FLT1: variants seen among roughly 807,000 people sequenced by gnomAD.
FLT1 encodes vascular endothelial growth factor receptor 1.
Under a neutral mutation model 156.3 loss-of-function variants are expected in FLT1, and 49 were observed. The observed-to-expected ratio is 0.31, with a 90% CI of 0.25 to 0.40. The LOEUF is 0.40. Ranked by LOEUF, FLT1 falls within the 10% of genes least tolerant of loss-of-function variation. The pLI is 1.00. For missense variants in FLT1, 1,322 were observed against 1,637.2 expected (o/e 0.81, Z 3.32); for synonymous variants, 594 against 583.8 (o/e 1.02, Z -0.25).
intron 14 of FLT1, among the ~76,000 whole-genome samples, chr13:28,369,577 G>T (rs1032194488): frequency 6.6e-6 from 1 of 152,172 alleles, no homozygotes; most frequent in Non-Finnish European, 1.5e-5. Context: ...ACACTAAAAA[G>T]ATGAGTGATT....
chr13:28,446,422 T>TA (rs1878621790), intron 3 of FLT1, among the ~76,000 whole-genome samples: 1 of 152,230 alleles, frequency 6.6e-6, no homozygotes, highest in South Asian at 2.1e-4. Context: ...AGGAATCCAC[T>TA]AAAAAACTAC....
intron 14 of FLT1, among the ~76,000 whole-genome samples, chr13:28,359,485 T>C (rs1235933022): frequency 6.6e-6 from 1 of 152,198 alleles, no homozygotes; most frequent in Admixed American, 6.5e-5. Flanking sequence ...GGAAGAGATT[T>C]CTTGGATATG....
At chr13:28,377,063 T>TA (rs1349998943) in intron 14 of FLT1, among the ~76,000 whole-genome samples, 1 of 152,230 alleles carries the variant, frequency 6.6e-6, no homozygotes, top group Admixed American at 6.5e-5. Flanking sequence ...TGCTTCTTGG[T>TA]ATTAGTCCCT....
At chr13:28,494,369 G>A (rs1881636775) in intron 1 of FLT1, among the ~76,000 whole-genome samples, 1 of 152,186 alleles carries the variant, frequency 6.6e-6, no homozygotes, top group South Asian at 2.1e-4. Context: ...CCCGGCTCCG[G>A]GGGACCCTGC....
intron 10 of FLT1, among the ~76,000 whole-genome samples, chr13:28,420,046 G>A (rs1289543127): frequency 6.6e-6 from 1 of 152,204 alleles, no homozygotes; most frequent in Non-Finnish European, 1.5e-5. Flanking sequence ...GGGAAAAGGA[G>A]GAAAATCTCA....
At chr13:28,491,372 T>C (rs945020397) in intron 1 of FLT1, among the ~76,000 whole-genome samples, 3 of 152,174 alleles carry the variant, frequency 2.0e-5, no homozygotes, top group Admixed American at 6.5e-5. Context: ...GTTAATCAAA[T>C]AAGTGTTAGC....
chr13:28,485,894 G>T (rs1045660663), intron 1 of FLT1, among the ~76,000 whole-genome samples: 1 of 152,202 alleles, frequency 6.6e-6, no homozygotes, highest in Non-Finnish European at 1.5e-5. Flanking sequence ...GAAATGCCAA[G>T]GACTATAGAT....
intron 20 of FLT1, 122 bp from the exon 21 acceptor site, chr13:28,323,068 G>T: frequency 1.9e-6 from 2 of 1,058,110 alleles, no homozygotes; most frequent in Non-Finnish European, 2.9e-6. Flanking sequence ...AAAATGGATC[G>T]TGAACTAGCA....
At chr13:28,318,894 G>C (rs1388284085) in intron 24 of FLT1, among the ~76,000 whole-genome samples, 1 of 152,190 alleles carries the variant, frequency 6.6e-6, no homozygotes, top group Non-Finnish European at 1.5e-5. Context: ...AATACAACCA[G>C]TGTTGTTTAT....
At position 28,431,253 on chromosome 13, in the gene FLT1, T is replaced by C. The variant is rs1395507963; in HGVS notation, c.871A>G (p.Ile291Val). 9.9e-6 allele frequency: 16 copies of C among 1,613,904 alleles called. No homozygotes were observed. The highest frequency in any genetic ancestry group is 1.6e-4 in the Middle Eastern group (1 of 6,062). Residue 291 changes from isoleucine (I) to valine (V), a missense_variant, in exon 7 of 30, where the codon ATA (isoleucine) becomes GTA (valine). Transcript: ENST00000282397. ...RIDQSNSHAN[I>V]FYSVLTIDKM... ...TCAATAGTAAGAACACTGTAGAATA[T>C]GTTGGCATGGGAATTGCTTTGGTCA... is the stretch of plus-strand genomic sequence containing the variant.
chr13:28,375,809 C>T (rs759573361), intron 14 of FLT1, among the ~76,000 whole-genome samples: 33 of 152,304 alleles, frequency 2.2e-4, no homozygotes, highest in African/African-American at 6.5e-4. Context: ...CACTGCTCTG[C>T]GCACACCCTG....
chr13:28,394,672 C>A (rs192064842), intron 12 of FLT1, among the ~76,000 whole-genome samples: 2 of 152,120 alleles, frequency 1.3e-5, no homozygotes, highest in South Asian at 4.1e-4. Flanking sequence ...GCCCTCAGAC[C>A]CAGGCAAGAA....
At chr13:28,450,072 G>A (rs1878847095) in intron 3 of FLT1, among the ~76,000 whole-genome samples, 1 of 152,154 alleles carries the variant, frequency 6.6e-6, no homozygotes, top group South Asian at 2.1e-4. Flanking sequence ...TGTTTATGGA[G>A]AAGATATAAG....
chr13:28,318,181 C>T (rs1871282793), intron 24 of FLT1, among the ~76,000 whole-genome samples: 1 of 152,164 alleles, frequency 6.6e-6, no homozygotes, highest in South Asian at 2.1e-4. Flanking sequence ...AGGAATCATT[C>T]ACACTTGAGT....
chr13:28,461,552 T>C (rs913122081), intron 3 of FLT1, among the ~76,000 whole-genome samples: 6 of 152,190 alleles, frequency 3.9e-5, no homozygotes, highest in African/African-American at 1.4e-4. Flanking sequence ...AATGAGTTCA[T>C]TGAATCCTCC....
At position 28,329,532 on chromosome 13, in the gene FLT1, G is replaced by A. The variant is rs1446860372; in HGVS notation, c.2707+83C>T. ...CCTGGAGGCGAGGAAGCACAGTGCG[G>A]GGGAGAAGGAGCTGTAAGGCAGAGA... On this transcript the variant is annotated intron_variant, in intron 19 of 29. Transcript: ENST00000282397. 9 of 978,844 alleles carry A rather than the reference G, an allele frequency of 9.2e-6. 1 individual carries two copies. Among genetic ancestry groups the A allele is most frequent in the East Asian group, 7.3e-5 (3 of 41,298 alleles). 60.6% of individuals were successfully genotyped at this position (978,844 alleles called of 1,614,324 possible).
At chr13:28,399,075 A>T in intron 11 of FLT1, 1 of 1,551,306 alleles carries the variant, frequency 6.4e-7, no homozygotes, top group Non-Finnish European at 8.7e-7. Flanking sequence ...GTTGGAAGAG[A>T]AGCTTGTAGG....
At chr13:28,412,465 A>G (rs1876356404) in intron 10 of FLT1, among the ~76,000 whole-genome samples, 1 of 144,722 alleles carries the variant, frequency 6.9e-6, no homozygotes, top group South Asian at 2.2e-4. Context: ...TGTGTTCCTC[A>G]GGCTGGAGTG....
At chr13:28,493,825 C>T (rs1046670878) in intron 1 of FLT1, among the ~76,000 whole-genome samples, 2 of 152,256 alleles carry the variant, frequency 1.3e-5, no homozygotes, top group African/African-American at 2.4e-5. Flanking sequence ...TTCCACCGCC[C>T]GTCTCCCAAA....
Sources: gnomAD v4.1 joint callset for allele counts (sites outside exome capture counted in the v4.1 genomes callset) on GRCh38, gnomAD v4.1.1 for gene constraint, MANE v1.5 for transcripts, NCBI Gene and HGNC (gene_info 2026-07-23, HGNC 2026-07-21) for gene names.